The following TNFSF11 variants were observed in gnomAD, a reference collection of about 807,000 sequenced individuals.
The protein encoded by TNFSF11 is tumor necrosis factor ligand superfamily member 11.
Under a neutral mutation model 32.2 loss-of-function variants are expected in TNFSF11, and 12 were observed. That is an observed-to-expected ratio of 0.37 (90% CI 0.24 to 0.60). TNFSF11 has a LOEUF of 0.60. Ranked by LOEUF, TNFSF11 falls within the 20% of genes least tolerant of loss-of-function variation. The pLI is 0.66. For synonymous variants in TNFSF11, 172 were observed against 152.1 expected, an observed-to-expected ratio of 1.13 and a Z score of -0.96; for missense variants, 345 against 398.0, an observed-to-expected ratio of 0.87 and a Z score of 1.13.
chr13:42,593,671 C>A (rs1868627506), intron 2 of TNFSF11, among the ~76,000 whole-genome samples: 1 of 152,174 alleles, frequency 6.6e-6, no homozygotes, highest in African/African-American at 2.4e-5. Flanking sequence ...ATTCTTGTAA[C>A]TAGGTTGGAG....
chr13:42,564,515 C>T (rs111857422), intron 1 of TNFSF11, among the ~76,000 whole-genome samples: 4,213 of 151,388 alleles, frequency 0.028, 88 homozygotes, highest in Non-Finnish European at 0.043. Flanking sequence ...TGCGGTGAGC[C>T]GAGATCGCAC....
intron 1 of TNFSF11, among the ~76,000 whole-genome samples, chr13:42,564,400 T>A (rs1249629764): frequency 6.6e-6 from 1 of 152,156 alleles, no homozygotes; most frequent in Non-Finnish European, 1.5e-5. Context: ...AAACCTCGTC[T>A]CTACTAAAAA....
chr13:42,574,347 CGGA>C lies in TNFSF11; in HGVS notation c.49_51del (p.Glu17del). 6.5e-7 allele frequency: 1 copy of C among 1,544,204 alleles called. No homozygotes were observed. Among genetic ancestry groups the C allele is most frequent in the East Asian group, 2.5e-5 (1 of 40,620 alleles). On this transcript the variant is annotated inframe_deletion, in exon 1 of 5. Transcript: ENST00000398795. ...GACTACACCAAGTACCTGCGTGGCT[CGGA>C]GGAGATGGGCGGCGGCCCCGGAGCC...
intron 1 of TNFSF11, 59 bp downstream of exon 1, chr13:42,574,581 C>A: frequency 6.4e-7 from 1 of 1,568,450 alleles, no homozygotes; most frequent in Non-Finnish European, 8.6e-7. Flanking sequence ...TTCCCCCGCA[C>A]TTGGAAACTG....
upstream of TNFSF11, among the ~76,000 whole-genome samples, chr13:42,572,452 A>G (rs937409730): frequency 3.9e-5 from 6 of 152,194 alleles, no homozygotes; most frequent in African/African-American, 1.4e-4. Flanking sequence ...ATATGGAATT[A>G]TTTCCTGAGT....
At chr13:42,596,550 GC>G (rs1194768792) in intron 2 of TNFSF11, among the ~76,000 whole-genome samples, 1 of 152,174 alleles carries the variant, frequency 6.6e-6, no homozygotes, top group African/African-American at 2.4e-5. Context: ...TCAAGTCTCA[GC>G]TTTATTAGGT....
intron 2 of TNFSF11, among the ~76,000 whole-genome samples, chr13:42,587,816 C>G (rs1274045084): frequency 6.6e-6 from 1 of 152,186 alleles, no homozygotes; most frequent in Non-Finnish European, 1.5e-5. Context: ...ATAAGGAGCT[C>G]ATTCCTATTT....
chr13:42,600,601 A>C (rs1869116864), intron 2 of TNFSF11, 151 bp from the exon 3 acceptor site: 1 of 824,820 alleles, frequency 1.2e-6, no homozygotes, highest in Non-Finnish European at 1.9e-6. Flanking sequence ...ATAGCCACCT[A>C]ATACATATAG....
chr13:42,563,546 C>T (rs1872757878), intron 1 of TNFSF11, among the ~76,000 whole-genome samples: 1 of 151,890 alleles, frequency 6.6e-6, no homozygotes, highest in Admixed American at 6.6e-5. Context: ...ACTTGTCATC[C>T]CAGCTACTCG....
chr13:42,581,335 A>G lies in TNFSF11; in HGVS notation c.387+42A>G, dbSNP rs1367570693. ...GCTGATAAGTCAAGGGCCCTTGCTGACTCTACCAATACTGAAAATTAAAAC... is the reference window on the plus strand; with the variant it reads ...GCTGATAAGTCAAGGGCCCTTGCTGGCTCTACCAATACTGAAAATTAAAAC... On this transcript the variant is annotated intron_variant, in intron 2 of 4. Coordinates refer to ENST00000398795, the MANE Select transcript of TNFSF11 (RefSeq NM_003701.4). The G allele has an allele frequency of 3.7e-6, 6 of 1,608,460 alleles. No homozygotes were observed. The East Asian group carries it at 1.3e-4, about 36-fold the overall frequency.
At chr13:42,564,253 T>C (rs1384979037) in intron 1 of TNFSF11, among the ~76,000 whole-genome samples, 1 of 152,194 alleles carries the variant, frequency 6.6e-6, no homozygotes, top group Non-Finnish European at 1.5e-5. Context: ...TTTTCTTTAC[T>C]ATATGTAAAA....
intron 4 of TNFSF11, among the ~76,000 whole-genome samples, chr13:42,601,985 A>G (rs746691917): frequency 1.3e-5 from 2 of 152,206 alleles, no homozygotes; most frequent in Admixed American, 1.3e-4. Flanking sequence ...CGTGCTTTCC[A>G]TGCTCTCTAT....
At position 42,607,453 on chromosome 13, in the gene TNFSF11, A is replaced by G. The variant is rs1869526562; in HGVS notation, c.*535A>G. 1 of 152,940 alleles carries G rather than the reference A, an allele frequency of 6.5e-6. No homozygotes were observed. Among genetic ancestry groups the G allele is most frequent in the African/African-American group, 2.4e-5 (1 of 41,454 alleles). The allele number at this position is 152,940 out of a possible 1,614,324, so 9.5% of individuals were successfully genotyped here. On this transcript the variant is annotated 3_prime_UTR_variant, in exon 5 of 5. Transcript: ENST00000398795. ...AAGTATTGTAAATTATATTTGTGCT[A>G]TAGTATTTGATTCAAAATATTTAAA... is the stretch of plus-strand genomic sequence containing the variant.
chr13:42,606,936 G>A lies in TNFSF11; in HGVS notation c.*18G>A, dbSNP rs1271694706. 2.5e-6 allele frequency: 4 copies of A among 1,613,832 alleles called. No homozygotes were observed. The highest frequency in any genetic ancestry group is 2.7e-5 in the African/African-American group (2 of 74,902). ...TAGATTGAGCCCCAGTTTTTGGAGT[G>A]TTATGTATTTCCTGGATGTTTGGAA... On this transcript the variant is annotated 3_prime_UTR_variant, in exon 5 of 5. Coordinates refer to ENST00000398795, the MANE Select transcript of TNFSF11 (RefSeq NM_003701.4).
intron 2 of TNFSF11, among the ~76,000 whole-genome samples, chr13:42,600,199 A>G (rs1021938477): frequency 2.0e-5 from 3 of 152,064 alleles, no homozygotes; most frequent in African/African-American, 7.2e-5. Context: ...TTTTAAGTTA[A>G]TTGTTGGTAC....
chr13:42,591,533 T>C (rs1434714596), intron 2 of TNFSF11, among the ~76,000 whole-genome samples: 1 of 152,160 alleles, frequency 6.6e-6, no homozygotes, highest in Non-Finnish European at 1.5e-5. Flanking sequence ...TTTTATAACA[T>C]GTATTCAGGC....
At chr13:42,593,801 A>C (rs1048242314) in intron 2 of TNFSF11, among the ~76,000 whole-genome samples, 9 of 152,356 alleles carry the variant, frequency 5.9e-5, no homozygotes, top group Non-Finnish European at 1.2e-4. Context: ...TCAACCAGCC[A>C]GATGTCTCTG....
At chr13:42,596,768 T>C (rs1165693247) in intron 2 of TNFSF11, among the ~76,000 whole-genome samples, 1 of 152,254 alleles carries the variant, frequency 6.6e-6, no homozygotes, top group Non-Finnish European at 1.5e-5. Flanking sequence ...CTTAACTAAA[T>C]TGAGATGTCA....
chr13:42,582,419 A>G (rs1873661564), intron 2 of TNFSF11, among the ~76,000 whole-genome samples: 1 of 152,178 alleles, frequency 6.6e-6, no homozygotes, highest in Admixed American at 6.5e-5. Flanking sequence ...TATTTTATCG[A>G]ATCTAAGTTA....
Sources: gnomAD v4.1 joint callset for allele counts (sites outside exome capture counted in the v4.1 genomes callset) on GRCh38, gnomAD v4.1.1 for gene constraint, MANE v1.5 for transcripts, NCBI Gene and HGNC (gene_info 2026-07-23, HGNC 2026-07-21) for gene names.